Variants in IL18RAP observed in about 807,000 individuals in gnomAD.
IL18RAP encodes the protein interleukin-18 receptor accessory protein.
In IL18RAP, 37 loss-of-function variants were observed where a neutral mutation model predicts 58.1. The ratio of observed to expected loss-of-function variants is 0.64; its 90% CI spans 0.49 to 0.84. The LOEUF (loss-of-function observed/expected upper bound fraction) is 0.84, where lower values mean the gene tolerates loss of function less well. Ranked by LOEUF, IL18RAP falls within the 40% of genes least tolerant of loss-of-function variation. The probability of loss-of-function intolerance (pLI) is 0.00; values close to 1 mark genes in which losing one functional copy is unlikely to be tolerated. For missense variants in IL18RAP, 667 were observed against 704.8 expected (o/e 0.95, Z 0.61); for synonymous variants, 268 against 257.5 (o/e 1.04, Z -0.39).
At chr2:102,444,247 A>G (rs919222832) in intron 6 of IL18RAP, among the ~76,000 whole-genome samples, 1 of 152,228 alleles carries the variant, frequency 6.6e-6, no homozygotes, top group African/African-American at 2.4e-5. Flanking sequence ...TAAGATCAGG[A>G]AGGTCATTGG....
intron 8 of IL18RAP, among the ~76,000 whole-genome samples, chr2:102,449,044 G>A (rs962348220): frequency 5.7e-5 from 4 of 70,598 alleles, no homozygotes; most frequent in Admixed American, 1.0e-4. Context: ...CCAGGTGGGC[G>A]GATCACTTGA....
At chr2:102,448,670 G>A (rs1454114207) in intron 8 of IL18RAP, among the ~76,000 whole-genome samples, 6 of 152,118 alleles carry the variant, frequency 3.9e-5, no homozygotes, top group Non-Finnish European at 7.4e-5. Flanking sequence ...ATAAAGACCG[G>A]CATGGGAGGC....
At chr2:102,433,334 A>C (rs886480991) in intron 3 of IL18RAP, among the ~76,000 whole-genome samples, 7 of 152,156 alleles carry the variant, frequency 4.6e-5, no homozygotes, top group African/African-American at 1.7e-4. Flanking sequence ...GTGATCCTCC[A>C]GCCTTAGCAT....
upstream of IL18RAP, chr2:102,423,017 A>G (rs1469371011): frequency 7.8e-6 from 4 of 510,422 alleles, no homozygotes; most frequent in African/African-American, 7.6e-5. Flanking sequence ...GTAAGAAATG[A>G]CACAAGTGAA....
At chr2:102,438,550 G>A (rs929188174) in intron 4 of IL18RAP, among the ~76,000 whole-genome samples, 1 of 152,102 alleles carries the variant, frequency 6.6e-6, no homozygotes, top group African/African-American at 2.4e-5. Flanking sequence ...TCCCCTCCAA[G>A]TGATGTGTAA....
At chr2:102,437,157 T>C in intron 3 of IL18RAP, 55 bp from the exon 4 acceptor site, 2 of 1,534,636 alleles carry the variant, frequency 1.3e-6, no homozygotes, top group East Asian at 2.3e-5. Flanking sequence ...TAGGTATGTA[T>C]TTCATAAAGT....
intron 3 of IL18RAP, 43 bp downstream of exon 3, chr2:102,424,457 T>C (rs756271882): frequency 6.5e-7 from 1 of 1,535,954 alleles, no homozygotes; most frequent in South Asian, 1.2e-5. Context: ...GCATTGTTTT[T>C]ATGGTATCTT....
chr2:102,450,445 G>A (rs1057331694), intron 8 of IL18RAP, among the ~76,000 whole-genome samples: 4 of 152,126 alleles, frequency 2.6e-5, no homozygotes, highest in African/African-American at 9.7e-5. Flanking sequence ...CCTTGGATAC[G>A]ATGTGCTGGG....
Position 102,452,376 on chromosome 2 carries a change from A to T in IL18RAP, c.*195A>T. 1.9e-6 allele frequency: 1 copy of T among 531,180 alleles called. No homozygotes were observed. Among genetic ancestry groups the T allele is most frequent in the Non-Finnish European group, 3.3e-6 (1 of 305,346 alleles). 32.9% of individuals were successfully genotyped at this position (531,180 alleles called of 1,614,324 possible). A position where few individuals can be genotyped will look rare whatever the true frequency, so the allele number is the denominator to read the frequency against. ...GCCTTTGATTTCCTGGACTGGACTGACGGCGAGTGAATTCTCTAGACCTTG... is the reference window on the plus strand; with the variant it reads ...GCCTTTGATTTCCTGGACTGGACTGTCGGCGAGTGAATTCTCTAGACCTTG... On this transcript the variant is annotated 3_prime_UTR_variant, in exon 10 of 10. Transcript: ENST00000687160.
In IL18RAP at chr2:102,426,430, A is replaced by AT. The variant is rs1681947108; in HGVS notation, c.579+2016_579+2017insT. ...TAAGAACAGGCTTGCAGATTGTTTA[A>AT]ATTTTTTTCAACTTCTTTATTTTAA... On this transcript the variant is annotated intron_variant, in intron 3 of 9. Transcript: ENST00000687160. 2.8e-4 allele frequency among the ~76,000 whole-genome samples: 16 copies of AT among 57,632 alleles called. No individual in the cohort carries two copies. The South Asian group carries it at 3.2e-3, about 11-fold the overall frequency. 37.8% of individuals were successfully genotyped at this position (57,632 alleles called of 152,430 possible). A position where few individuals can be genotyped will look rare whatever the true frequency, so the allele number is the denominator to read the frequency against.
At chr2:102,446,285 G>A (rs973566863) in intron 7 of IL18RAP, among the ~76,000 whole-genome samples, 3 of 152,126 alleles carry the variant, frequency 2.0e-5, no homozygotes, top group Middle Eastern at 3.2e-3. Flanking sequence ...GTCTCAAAAT[G>A]TGATTTTTTA....
At chr2:102,441,702 A>C (rs1158060207) in intron 5 of IL18RAP, among the ~76,000 whole-genome samples, 1 of 152,150 alleles carries the variant, frequency 6.6e-6, no homozygotes, top group Non-Finnish European at 1.5e-5. Context: ...AGCCTGGCCA[A>C]CATGGTGAAA....
Position 102,434,337 on chromosome 2 carries a change from C to G in IL18RAP, c.580-2875C>G, listed in dbSNP as rs76023471. The G allele has an allele frequency of 4.7e-3, 713 of 152,216 alleles. 11 individuals carry two copies. Among genetic ancestry groups the G allele is most frequent in the African/African-American group, 0.016 (679 of 41,536 alleles). The allele number at this position is 152,216 out of a possible 1,614,324, so 9.4% of individuals were successfully genotyped here. ...CAAAAACTGAAATCAAGCAAGTTCT[C>G]TCTATTTTTGTTTGTAGAGTAGAAT... On this transcript the variant is annotated intron_variant, in intron 3 of 9. Coordinates refer to ENST00000687160, the MANE Select transcript of IL18RAP (RefSeq NM_001393487.1).
At chr2:102,449,832 C>T (rs866540580) in intron 8 of IL18RAP, among the ~76,000 whole-genome samples, 15 of 152,174 alleles carry the variant, frequency 9.9e-5, no homozygotes, top group Non-Finnish European at 2.9e-5. Context: ...CAGCACCTAC[C>T]TGCCAGCCAT....
At chr2:102,451,425 C>T (rs570083813) in intron 9 of IL18RAP, among the ~76,000 whole-genome samples, 15 of 152,338 alleles carry the variant, frequency 9.8e-5, no homozygotes, top group African/African-American at 3.6e-4. Flanking sequence ...CTGAGAAGTC[C>T]AGATCTCAGC....
chr2:102,424,855 A>T (rs979607778), intron 3 of IL18RAP, among the ~76,000 whole-genome samples: 1 of 152,228 alleles, frequency 6.6e-6, no homozygotes, highest in Non-Finnish European at 1.5e-5. Flanking sequence ...CTTGGAGGAC[A>T]GTTAGGACGA....
chr2:102,444,456 G>T (rs1189533048), intron 6 of IL18RAP, among the ~76,000 whole-genome samples: 2 of 152,210 alleles, frequency 1.3e-5, no homozygotes, highest in Admixed American at 6.5e-5. Context: ...ACTGGGAGGC[G>T]TGGTTACAGC....
rs1683469373 is a variant in IL18RAP at position 102,447,084 on chromosome 2, A to G, written c.1087A>G (p.Ile363Val). 1.2e-6 allele frequency: 2 copies of G among 1,613,956 alleles called. No homozygotes were observed. The highest frequency in any genetic ancestry group is 1.7e-6 in the Non-Finnish European group (2 of 1,179,996). Residue 363 changes from isoleucine to valine, a missense_variant, in exon 8 of 10, where the codon ATC becomes GTC. Physicochemically the swap from Ile to Val is conservative, Grantham distance 29 (BLOSUM62 3). Coordinates refer to ENST00000687160, the MANE Select transcript of IL18RAP (RefSeq NM_001393487.1). ...TGTCTCCACAGTGGTGCTCCTGTAC[A>G]TCCTGCTTGGCACCATCGGGACCCT... ...KEKRGVVLLY[I>V]LLGTIGTLVA...
chr2:102,447,687 A>G (rs892141581), intron 8 of IL18RAP, among the ~76,000 whole-genome samples: 1 of 151,258 alleles, frequency 6.6e-6, no homozygotes, highest in African/African-American at 2.4e-5. Flanking sequence ...TTCTTAAGAC[A>G]CATTTAGTAT....
Sources: gnomAD v4.1 joint callset for allele counts (sites outside exome capture counted in the v4.1 genomes callset) on GRCh38, gnomAD v4.1.1 for gene constraint, MANE v1.5 for transcripts, NCBI Gene and HGNC (gene_info 2026-07-23, HGNC 2026-07-21) for gene names.